Variants in FAM193A observed in about 807,000 individuals in gnomAD.
FAM193A encodes protein FAM193A.
FAM193A carries 22 observed loss-of-function variants against 126.5 expected under a neutral mutation model. The ratio of observed to expected loss-of-function variants is 0.17; its 90% CI spans 0.12 to 0.25. The LOEUF (loss-of-function observed/expected upper bound fraction) is 0.25. Ranked by LOEUF, FAM193A falls within the 10% of genes least tolerant of loss-of-function variation. FAM193A has a pLI of 1.00. For missense variants in FAM193A, 1,675 were observed against 1,672.8 expected, an observed-to-expected ratio of 1.00 and a Z score of -0.02; for synonymous variants, 761 against 646.8, an observed-to-expected ratio of 1.18 and a Z score of -2.68.
At chr4:2,652,016 G>A (rs944410578) in intron 7 of FAM193A, among the ~76,000 whole-genome samples, 1 of 152,160 alleles carries the variant, frequency 6.6e-6, no homozygotes, top group Non-Finnish European at 1.5e-5. Context: ...AGTTGGAGAG[G>A]TATTTGGACT....
intron 1 of FAM193A, among the ~76,000 whole-genome samples, chr4:2,590,514 AAAC>A (rs1482793480): frequency 8.4e-6 from 1 of 119,320 alleles, no homozygotes; most frequent in African/African-American, 4.2e-5. Context: ...AACAAAAAAA[AAAC>A]AAAACAAAAT....
At chr4:2,597,990 C>T (rs566624407) in intron 2 of FAM193A, among the ~76,000 whole-genome samples, 56 of 152,176 alleles carry the variant, frequency 3.7e-4, no homozygotes, top group African/African-American at 1.2e-3. Flanking sequence ...CTGCAACCTC[C>T]GCCTCCCGGG....
At chr4:2,616,497 C>G (rs980318227) in intron 2 of FAM193A, among the ~76,000 whole-genome samples, 1 of 152,040 alleles carries the variant, frequency 6.6e-6, no homozygotes, top group Non-Finnish European at 1.5e-5. Flanking sequence ...TTTAAACATA[C>G]CATCTTGCAT....
In FAM193A at chr4:2,645,607, A is replaced by G. The variant is rs554707465; in HGVS notation, c.1164-1078A>G. 3.3e-5 allele frequency among the ~76,000 whole-genome samples: 5 copies of G among 151,318 alleles called. No individual in the cohort carries two copies. In the East Asian group the frequency reaches 9.7e-4, roughly 29 times the overall value. ...AGTGGCGCGATCTCGGCTCACCCCA[A>G]CCTCTGCCTCCCAGGTTCAAGCGAT... On this transcript the variant is annotated intron_variant, in intron 6 of 20. Transcript: ENST00000637812.
chr4:2,731,880 C>G lies in FAM193A; in HGVS notation c.*12C>G, dbSNP rs1295453611. On this transcript the variant is annotated 3_prime_UTR_variant, in exon 21 of 21. Coordinates refer to ENST00000637812, the MANE Select transcript of FAM193A (RefSeq NM_001366318.2). ...TTGCTGCCCACTGAATGAGGACTCCCTGGAGAGGGACACGCGAGAGGCAGG... is the reference window on the plus strand; with the variant it reads ...TTGCTGCCCACTGAATGAGGACTCCGTGGAGAGGGACACGCGAGAGGCAGG... The G allele has an allele frequency of 6.3e-7, 1 of 1,599,714 alleles. No individual in the cohort carries two copies. The highest frequency in any genetic ancestry group is 2.2e-5 in the East Asian group (1 of 44,822).
At chr4:2,665,576 A>G (rs956031987) in intron 12 of FAM193A, among the ~76,000 whole-genome samples, 1 of 151,828 alleles carries the variant, frequency 6.6e-6, no homozygotes, top group Non-Finnish European at 1.5e-5. Context: ...TGCTGCAGTC[A>G]TGGCTCACTG....
At chr4:2,567,209 A>G (rs1739020997) in intron 1 of FAM193A, among the ~76,000 whole-genome samples, 1 of 151,636 alleles carries the variant, frequency 6.6e-6, no homozygotes. Flanking sequence ...TTGCCTCCCA[A>G]AGTGCTGGGA....
chr4:2,553,745 C>T (rs919019374), intron 1 of FAM193A, among the ~76,000 whole-genome samples: 2 of 152,062 alleles, frequency 1.3e-5, no homozygotes, highest in Non-Finnish European at 2.9e-5. Context: ...AATTGTGGCT[C>T]CCACAATTCT....
intron 1 of FAM193A, among the ~76,000 whole-genome samples, chr4:2,588,817 T>TA (rs1740371754): frequency 6.6e-6 from 1 of 152,208 alleles, no homozygotes; most frequent in African/African-American, 2.4e-5. Flanking sequence ...ATTGAAGGGT[T>TA]ACAAACTGCA....
intron 6 of FAM193A, among the ~76,000 whole-genome samples, chr4:2,646,440 A>G (rs566475509): frequency 3.9e-5 from 6 of 152,012 alleles, no homozygotes; most frequent in South Asian, 4.2e-4. Context: ...CCAAAGTGCT[A>G]GGATTACAGG....
chr4:2,540,560 A>G (rs1737169666), intron 1 of FAM193A, among the ~76,000 whole-genome samples: 1 of 152,074 alleles, frequency 6.6e-6, no homozygotes, highest in Non-Finnish European at 1.5e-5. Context: ...AGGCAGGAGA[A>G]TGGCATGAAC....
At chr4:2,652,369 C>T (rs1287079107) in intron 7 of FAM193A, among the ~76,000 whole-genome samples, 1 of 152,070 alleles carries the variant, frequency 6.6e-6, no homozygotes, top group African/African-American at 2.4e-5. Context: ...TTGATTTATC[C>T]CTGGTGTATT....
chr4:2,681,641 T>G (rs528372559), intron 13 of FAM193A, among the ~76,000 whole-genome samples: 33 of 152,126 alleles, frequency 2.2e-4, no homozygotes, highest in Non-Finnish European at 4.6e-4. Context: ...TGTATTTATT[T>G]ACGTAGGGAC....
chr4:2,641,425 G>A (rs1744611939), intron 6 of FAM193A, among the ~76,000 whole-genome samples: 1 of 151,986 alleles, frequency 6.6e-6, no homozygotes, highest in South Asian at 2.1e-4. Flanking sequence ...TTGGGAGGCC[G>A]AGGCGGGCAG....
At chr4:2,633,996 C>A (rs554957624) in intron 5 of FAM193A, among the ~76,000 whole-genome samples, 1 of 152,312 alleles carries the variant, frequency 6.6e-6, no homozygotes, top group Non-Finnish European at 1.5e-5. Flanking sequence ...CTGAGAAATA[C>A]ATGGGCTTGA....
intron 2 of FAM193A, chr4:2,608,217 C>T (rs879071520): frequency 4.5e-5 from 56 of 1,234,224 alleles, no homozygotes; most frequent in Admixed American, 2.1e-4. Flanking sequence ...CGGTCGGTCT[C>T]GCCCAGTATG....
chr4:2,672,868 GA>G (rs1357187048), intron 13 of FAM193A, among the ~76,000 whole-genome samples: 2 of 152,212 alleles, frequency 1.3e-5, no homozygotes, highest in African/African-American at 4.8e-5. Flanking sequence ...TGATGCCACA[GA>G]AAACTATAAC....
At chr4:2,689,927 TCCATGGCTGC>T (rs990112888) in intron 14 of FAM193A, among the ~76,000 whole-genome samples, 8 of 152,248 alleles carry the variant, frequency 5.3e-5, no homozygotes, top group African/African-American at 1.4e-4. Flanking sequence ...AGACTCTGGC[TCCATGGCTGC>T]CCGTCAGCCC....
intron 5 of FAM193A, among the ~76,000 whole-genome samples, chr4:2,637,609 G>T (rs1331942546): frequency 6.6e-6 from 1 of 152,164 alleles, no homozygotes; most frequent in African/African-American, 2.4e-5. Context: ...CTGCCCTTAG[G>T]TCACTGACAA....
Sources: gnomAD v4.1 joint callset for allele counts (sites outside exome capture counted in the v4.1 genomes callset) on GRCh38, gnomAD v4.1.1 for gene constraint, MANE v1.5 for transcripts, NCBI Gene and HGNC (gene_info 2026-07-23, HGNC 2026-07-21) for gene names.